The following CALML4 variants were observed in gnomAD, a reference collection of about 807,000 sequenced individuals.
The protein encoded by CALML4 is calmodulin-like protein 4.
Under a neutral mutation model 17.9 loss-of-function variants are expected in CALML4, and 16 were observed. The observed-to-expected ratio is 0.89, with a 90% CI of 0.61 to 1.36. The LOEUF (loss-of-function observed/expected upper bound fraction) is 1.36. Ranked by LOEUF, CALML4 falls within the 40% of genes most tolerant of loss-of-function variation. CALML4 has a pLI of 0.00. For missense variants in CALML4, 203 were observed against 194.8 expected (o/e 1.04, Z -0.25); for synonymous variants, 86 against 71.5 (o/e 1.20, Z -1.02).
At position 68,200,549 on chromosome 15, in the gene CALML4, A is replaced by G. The variant is rs1371348835; in HGVS notation, c.35-868T>C. Among the ~76,000 whole-genome samples the G allele has an allele frequency of 1.3e-5, 2 of 152,196 alleles. No individual in the cohort carries two copies. The highest frequency in any genetic ancestry group is 4.8e-5 in the African/African-American group (2 of 41,454). ...AGGAAGGCCAGCTGGGAGTTCAGGAAAAGTCCCTGAACCGCACTGACTGAG... is the reference window on the plus strand; with the variant it reads ...AGGAAGGCCAGCTGGGAGTTCAGGAGAAGTCCCTGAACCGCACTGACTGAG... On this transcript the variant is annotated intron_variant, in intron 2 of 4. Transcript: ENST00000467889. This position sits in a 1 kb window ranked among gnomAD's most constrained non-coding sequence, Gnocchi z 4.3.
intron 2 of CALML4, among the ~76,000 whole-genome samples, chr15:68,202,309 A>T (rs1221671920): frequency 3.3e-5 from 5 of 152,268 alleles, no homozygotes; most frequent in Non-Finnish European, 7.3e-5. Context: ...ATTCTTTATT[A>T]TAAATTCCAT....
At position 68,197,406 on chromosome 15, in the gene CALML4, T is replaced by A; in HGVS notation, c.364+34A>T. ...CCCTCCTTCCAACTCCCTAACCCCC[T>A]CCAACTGTTGGGAGACAGGACCCAG... On this transcript the variant is annotated intron_variant, in intron 4 of 4. Transcript: ENST00000467889. This position sits in a 1 kb window ranked among gnomAD's most constrained non-coding sequence, Gnocchi z 4.1. 1 of 1,601,468 alleles carries A rather than the reference T, an allele frequency of 6.2e-7. No homozygotes were observed. The highest frequency in any genetic ancestry group is 1.3e-5 in the African/African-American group (1 of 74,542).
In CALML4 at chr15:68,193,609, G is replaced by C. The variant is rs1222356477; in HGVS notation, c.*406C>G. On this transcript the variant is annotated 3_prime_UTR_variant, in exon 5 of 5. Transcript: ENST00000467889. ...AAGTCTCTTGGTAGATTGCCCTTAA[G>C]TCATCAGCTCAATCCTTCCTCAACA... 1 of 171,580 alleles carries C rather than the reference G, an allele frequency of 5.8e-6. No individual in the cohort carries two copies. Among genetic ancestry groups the C allele is most frequent in the African/African-American group, 2.4e-5 (1 of 42,020 alleles). 10.6% of individuals were successfully genotyped at this position (171,580 alleles called of 1,614,324 possible).
rs1355064011 is a variant in CALML4 at position 68,193,515 on chromosome 15, G to A, written c.*500C>T. 6.5e-6 allele frequency: 1 copy of A among 153,636 alleles called. No homozygotes were observed. Among genetic ancestry groups the A allele is most frequent in the East Asian group, 1.9e-4 (1 of 5,232 alleles). 9.5% of individuals were successfully genotyped at this position (153,636 alleles called of 1,614,324 possible). ...GCTTTCTGTTCATTGCTGCTTCTCA[G>A]CTAGCACTGGCTTCATCTTGGAAAA... On this transcript the variant is annotated 3_prime_UTR_variant, in exon 5 of 5. Coordinates refer to ENST00000467889, the MANE Select transcript of CALML4 (RefSeq NM_033429.3).
intron 2 of CALML4, 101 bp from the exon 3 acceptor site, chr15:68,199,782 T>G (rs985327924): frequency 7.4e-7 from 1 of 1,344,292 alleles, no homozygotes; most frequent in Non-Finnish European, 1.0e-6. Context: ...CCCTTCCTTT[T>G]GCCTACTCCC....
chr15:68,194,189 A>G, intron 4 of CALML4, 77 bp from the exon 5 acceptor site: 1 of 1,088,504 alleles, frequency 9.2e-7, no homozygotes, highest in Non-Finnish European at 1.4e-6. Flanking sequence ...TGGGGACTGG[A>G]GCTCCCCTAA....
Position 68,191,633 on chromosome 15 carries a change from C to T in CALML4, c.*2382G>A, listed in dbSNP as rs2093120774. 1 of 152,604 alleles carries T rather than the reference C, an allele frequency of 6.6e-6. No individual in the cohort carries two copies. The highest frequency in any genetic ancestry group is 2.1e-4 in the South Asian group (1 of 4,834). 9.5% of individuals were successfully genotyped at this position (152,604 alleles called of 1,614,324 possible). A position where few individuals can be genotyped will look rare whatever the true frequency, so the allele number is the denominator to read the frequency against. On this transcript the variant is annotated 3_prime_UTR_variant, in exon 5 of 5. Transcript: ENST00000467889. ...CTTTGAGGTAAGTAATGAATATAGC[C>T]ATCATTTCCCTTTCTTGTTGAAATA... is the stretch of plus-strand genomic sequence containing the variant.
rs951844415 is a variant in CALML4 at position 68,191,021 on chromosome 15, C to T, written c.*2994G>A. On this transcript the variant is annotated 3_prime_UTR_variant, in exon 5 of 5. Transcript: ENST00000467889. ...TTCAATTTTAAACACATAAAACTTT[C>T]AAGATCTTCAGGACTTTTTAAAGCA... 1 of 152,338 alleles carries T rather than the reference C, an allele frequency of 6.6e-6. No individual in the cohort carries two copies. The highest frequency in any genetic ancestry group is 1.5e-5 in the Non-Finnish European group (1 of 68,014). 9.4% of individuals were successfully genotyped at this position (152,338 alleles called of 1,614,324 possible). A position where few individuals can be genotyped will look rare whatever the true frequency, so the allele number is the denominator to read the frequency against.
In CALML4 at chr15:68,191,061, T is replaced by C. The variant is rs2093117429; in HGVS notation, c.*2954A>G. The C allele has an allele frequency of 2.0e-5, 3 of 152,652 alleles. No homozygotes were observed. The South Asian group carries it at 6.2e-4, about 32-fold the overall frequency. 9.5% of individuals were successfully genotyped at this position (152,652 alleles called of 1,614,324 possible). A position where few individuals can be genotyped will look rare whatever the true frequency, so the allele number is the denominator to read the frequency against. ...TTTTTAAAGCACATTTGAAATTATTTTAGTAAGAATTTTGTTTTATCAATA... is the reference window on the plus strand; with the variant it reads ...TTTTTAAAGCACATTTGAAATTATTCTAGTAAGAATTTTGTTTTATCAATA... On this transcript the variant is annotated 3_prime_UTR_variant, in exon 5 of 5. Transcript: ENST00000467889.
chr15:68,199,302 GT>G (rs1222545795), intron 3 of CALML4, among the ~76,000 whole-genome samples: 24 of 152,290 alleles, frequency 1.6e-4, no homozygotes, highest in African/African-American at 5.3e-4. Flanking sequence ...TCTGGGTTTG[GT>G]AAGTCTGTTG....
intron 4 of CALML4, among the ~76,000 whole-genome samples, chr15:68,195,315 G>C (rs910664155): frequency 6.6e-6 from 1 of 152,122 alleles, no homozygotes; most frequent in Non-Finnish European, 1.5e-5. Context: ...TATCCTTCTC[G>C]AAAGTATAAT....
Position 68,197,459 on chromosome 15 carries a change from C to T in CALML4, c.345G>A (p.Glu115=). 2 of 1,613,894 alleles carry T rather than the reference C, an allele frequency of 1.2e-6. No individual in the cohort carries two copies. Among genetic ancestry groups the T allele is most frequent in the South Asian group, 2.2e-5 (2 of 91,048 alleles). ...TGTTACCTTCCTTGTGGGTGAGCTT[C>T]TCCCCCAGACTCGTGAGTTTTGACC... ...DLRSKLTSLG[E]KLTHKEVDDL... The change falls in exon 4 of 5, where the codon GAG becomes GAA. Residue 115 remains glutamate (E), a synonymous_variant. Transcript: ENST00000467889. This position sits in a 1 kb window ranked among gnomAD's most constrained non-coding sequence, Gnocchi z 4.1.
rs1198698355 is a variant in CALML4, at chr15:68,200,324, C to CT, written c.35-644dup. Among the ~76,000 whole-genome samples the CT allele has an allele frequency of 1.3e-5, 2 of 152,226 alleles. No homozygotes were observed. The highest frequency in any genetic ancestry group is 2.9e-5 in the Non-Finnish European group (2 of 68,044). ...GCCCTGGCCTCCAGGCTGCTAAACC[C>CT]TCAAGCTGTCCTTGGACTCGGGCCC... is the stretch of plus-strand genomic sequence containing the variant. On this transcript the variant is annotated intron_variant, in intron 2 of 4. Transcript: ENST00000467889. The surrounding 1 kb of genome is among the most constrained non-coding windows in gnomAD (Gnocchi z 4.3).
rs201873093 is a variant in CALML4 at position 68,197,484 on chromosome 15, C to T, written c.320G>A (p.Arg107Gln). 1.6e-5 allele frequency: 26 copies of T among 1,614,144 alleles called. No homozygotes were observed. Among genetic ancestry groups the T allele is most frequent in the African/African-American group, 8.0e-5 (6 of 75,052 alleles). ...KKGYVMASDL[R>Q]SKLTSLGEKL... ...CTCCCCCAGACTCGTGAGTTTTGAC[C>T]GCAGGTCGGACGCCATGACGTAACC... is the stretch of plus-strand genomic sequence containing the variant. The change falls in exon 4 of 5, where the codon CGG becomes CAG. Residue 107 changes from arginine to glutamine, a missense_variant. By Grantham distance (43) the Arg-to-Gln change is conservative. Coordinates refer to ENST00000467889, the MANE Select transcript of CALML4 (RefSeq NM_033429.3). This position sits in a 1 kb window ranked among gnomAD's most constrained non-coding sequence, Gnocchi z 4.1.
chr15:68,195,239 T>C (rs1403523029), intron 4 of CALML4, among the ~76,000 whole-genome samples: 1 of 152,190 alleles, frequency 6.6e-6, no homozygotes, highest in African/African-American at 2.4e-5. Flanking sequence ...TTCCCAGGCC[T>C]GGATACCTTC....
chr15:68,192,487 A>G lies in CALML4; in HGVS notation c.*1528T>C, dbSNP rs1249741162. On this transcript the variant is annotated 3_prime_UTR_variant, in exon 5 of 5. Coordinates refer to ENST00000467889, the MANE Select transcript of CALML4 (RefSeq NM_033429.3). ...CAGCCAGATGGTCACAACTTCACCT[A>G]GTTGGCATTTGGGCCATTTATTTAC... The G allele has an allele frequency of 5.9e-5, 9 of 152,232 alleles. No homozygotes were observed. The highest frequency in any genetic ancestry group is 1.0e-4 in the Non-Finnish European group (7 of 68,078). The allele number at this position is 152,232 out of a possible 1,614,324, so 9.4% of individuals were successfully genotyped here. A position where few individuals can be genotyped will look rare whatever the true frequency, so the allele number is the denominator to read the frequency against.
chr15:68,193,965 T>C lies in CALML4; in HGVS notation c.*50A>G, dbSNP rs745560716. The C allele has an allele frequency of 7.2e-6, 10 of 1,382,960 alleles. No individual in the cohort carries two copies. In the East Asian group the frequency reaches 2.3e-4, roughly 32 times the overall value. 85.7% of individuals were successfully genotyped at this position (1,382,960 alleles called of 1,614,324 possible). A position where few individuals can be genotyped will look rare whatever the true frequency, so the allele number is the denominator to read the frequency against. ...GAAAAGAACACTTTTTAAAAAAAAT[T>C]AATTGCTCCAAGTTTTCAGGCCCAG... is the stretch of plus-strand genomic sequence containing the variant. On this transcript the variant is annotated 3_prime_UTR_variant, in exon 5 of 5. Transcript: ENST00000467889.
chr15:68,198,058 C>G (rs765419276), intron 3 of CALML4: 1 of 157,280 alleles, frequency 6.4e-6, no homozygotes, highest in Admixed American at 6.2e-5. Flanking sequence ...AAGCCTCAGT[C>G]GCAGGCTGGG....
chr15:68,191,403 A>T lies in CALML4; in HGVS notation c.*2612T>A, dbSNP rs1370075454. On this transcript the variant is annotated 3_prime_UTR_variant, in exon 5 of 5. Transcript: ENST00000467889. ...TGCATTGGAAAAAAATTGTTTACCT[A>T]TTGAATGTTACCTGTTTATGTAGAG... 10 of 152,682 alleles carry T rather than the reference A, an allele frequency of 6.5e-5. No individual in the cohort carries two copies. The East Asian group carries it at 1.9e-3, about 29-fold the overall frequency. The allele number at this position is 152,682 out of a possible 1,614,324, so 9.5% of individuals were successfully genotyped here.
Sources: gnomAD v4.1 joint callset for allele counts (sites outside exome capture counted in the v4.1 genomes callset) on GRCh38, gnomAD v4.1.1 for gene constraint, Gnocchi (gnomAD v3.1) non-coding constraint, MANE v1.5 for transcripts, NCBI Gene and HGNC (gene_info 2026-07-23, HGNC 2026-07-21) for gene names.